Variants in PLCE1 observed in about 807,000 individuals in gnomAD.
The protein encoded by PLCE1 is phospholipase C epsilon 1, also known as 1-phosphatidylinositol 4,5-bisphosphate phosphodiesterase epsilon-1.
A neutral mutation model predicts 242.8 loss-of-function variants in PLCE1; 119 were observed. That is an observed-to-expected ratio of 0.49 (90% CI 0.42 to 0.57). The LOEUF (loss-of-function observed/expected upper bound fraction) is 0.57, where lower values mean the gene tolerates loss of function less well. Among genes scored for constraint, PLCE1 ranks in the 20% least tolerant of loss-of-function variants. The pLI is 0.00. For missense variants in PLCE1, 2,441 were observed against 2,788.8 expected (o/e 0.88, Z 2.81); for synonymous variants, 945 against 1,017.4 (o/e 0.93, Z 1.35).
rs2053825782 is a variant in PLCE1 at position 94,322,006 on chromosome 10, CG to C, written c.6449del (p.Arg2150GlnfsTer30). The C allele has an allele frequency of 2.0e-5, 32 of 1,613,926 alleles. No individual in the cohort carries two copies. The highest frequency in any genetic ancestry group is 2.5e-5 in the Non-Finnish European group (30 of 1,179,978). The part of the protein sequence containing the change: ...QVHDVSPEQP[R>X]TVIKAPRVST... ...GCATGATGTTTCTCCAGAGCAACCT[CG>C]AACAGTCATCAAAGCACCCCGCGTC... On this transcript the variant is annotated frameshift_variant, in exon 30 of 33. Coordinates refer to ENST00000371380, the MANE Select transcript of PLCE1 (RefSeq NM_016341.4). LOFTEE classifies it high-confidence loss of function.
chr10:94,265,456 C>T (rs1163520316), intron 14 of PLCE1, among the ~76,000 whole-genome samples, 191 bp from the exon 15 acceptor site: 3 of 152,140 alleles, frequency 2.0e-5, no homozygotes, highest in African/African-American at 7.2e-5. Flanking sequence ...GTATAATAAA[C>T]TCACATATAA....
rs1307296588 is a variant in PLCE1 at position 94,324,573 on chromosome 10, G to A, written c.6720+6G>A. ...AGCTAAAGGAGCAGGTGCAGGTAAA[G>A]TTTAAAGTTATTTTGCTCTGTTCTT... On this transcript the variant is annotated splice_donor_region_variant and intron_variant, in intron 31 of 32. Coordinates refer to ENST00000371380, the MANE Select transcript of PLCE1 (RefSeq NM_016341.4). The A allele has an allele frequency of 6.2e-7, 1 of 1,607,786 alleles. No individual in the cohort carries two copies. Among genetic ancestry groups the A allele is most frequent in the Non-Finnish European group, 8.5e-7 (1 of 1,174,364 alleles).
chr10:94,240,594 G>A (rs1029511363), intron 7 of PLCE1, among the ~76,000 whole-genome samples: 3 of 152,074 alleles, frequency 2.0e-5, no homozygotes, highest in Admixed American at 6.5e-5. Flanking sequence ...TGTTTGTCAC[G>A]TGGTAATTCA....
chr10:94,244,928 T>G (rs561788947), intron 7 of PLCE1, among the ~76,000 whole-genome samples: 103 of 152,284 alleles, frequency 6.8e-4, no homozygotes, highest in African/African-American at 2.4e-3. Context: ...CTCAAACTTC[T>G]GGGCTCAAGC....
intron 4 of PLCE1, among the ~76,000 whole-genome samples, chr10:94,185,378 C>T (rs1436868677): frequency 1.3e-5 from 2 of 152,182 alleles, no homozygotes; most frequent in Admixed American, 1.3e-4. Context: ...TGCCTGTAAT[C>T]CCAGCTACTT....
chr10:94,027,889 A>G (rs2061483391), intron 1 of PLCE1, among the ~76,000 whole-genome samples: 1 of 152,160 alleles, frequency 6.6e-6, no homozygotes, highest in Admixed American at 6.5e-5. Context: ...CCTAGCAGCC[A>G]TGGGTCTTCA....
intron 2 of PLCE1, among the ~76,000 whole-genome samples, chr10:94,061,851 A>T (rs899316024): frequency 6.6e-6 from 1 of 152,240 alleles, no homozygotes; most frequent in African/African-American, 2.4e-5. Flanking sequence ...GCCTCTTATA[A>T]CACCATTTGG....
chr10:94,156,118 GA>G (rs1290211379), intron 3 of PLCE1, among the ~76,000 whole-genome samples: 2 of 148,658 alleles, frequency 1.3e-5, no homozygotes, highest in Non-Finnish European at 3.0e-5. Flanking sequence ...AATATTAACA[GA>G]AAAAAAAACT....
chr10:94,102,562 A>G (rs773844047), intron 2 of PLCE1, among the ~76,000 whole-genome samples: 1 of 152,226 alleles, frequency 6.6e-6, no homozygotes, highest in African/African-American at 2.4e-5. Context: ...GGCTTTGCCC[A>G]TTGCTAGGCA....
At chr10:94,133,294 G>T (rs753890356) in intron 3 of PLCE1, among the ~76,000 whole-genome samples, 97 of 152,314 alleles carry the variant, frequency 6.4e-4, no homozygotes, top group Non-Finnish European at 1.1e-3. Flanking sequence ...AGCCAATGGA[G>T]TGTGGGGTCC....
chr10:94,103,009 C>G (rs2045594636), intron 2 of PLCE1, among the ~76,000 whole-genome samples: 1 of 152,166 alleles, frequency 6.6e-6, no homozygotes, highest in African/African-American at 2.4e-5. Flanking sequence ...AGAGTTCTTG[C>G]TGGAGATTTT....
chr10:94,254,254 G>A lies in PLCE1; in HGVS notation c.3344G>A (p.Cys1115Tyr). ...CGAAAGGCCAAGATGCACAAAGAGT[G>A]TCGAAGCCGGAGTGGTTCTGATCCT... is the stretch of plus-strand genomic sequence containing the variant. ...ATRKAKMHKE[C>Y]RSRSGSDPQD... Residue 1115 changes from cysteine (C) to tyrosine (Y), a missense_variant, in exon 10 of 33, where the codon TGT becomes TAT. By Grantham distance (194) the Cys-to-Tyr change is radical. Coordinates refer to ENST00000371380, the MANE Select transcript of PLCE1 (RefSeq NM_016341.4). 1 of 1,614,062 alleles carries A rather than the reference G, an allele frequency of 6.2e-7. No individual in the cohort carries two copies. The highest frequency in any genetic ancestry group is 1.1e-5 in the South Asian group (1 of 91,078).
intron 4 of PLCE1, among the ~76,000 whole-genome samples, chr10:94,198,878 C>T (rs1385265122): frequency 1.3e-5 from 2 of 152,048 alleles, no homozygotes; most frequent in African/African-American, 4.8e-5. Context: ...CATGTAAAAC[C>T]TCCTGTCTAC....
chr10:94,080,873 G>A (rs745545574), intron 2 of PLCE1, among the ~76,000 whole-genome samples: 1 of 152,222 alleles, frequency 6.6e-6, no homozygotes, highest in Non-Finnish European at 1.5e-5. Context: ...CAGACTTGCA[G>A]GTGGAAACAT....
intron 1 of PLCE1, among the ~76,000 whole-genome samples, chr10:93,998,986 C>A (rs1046353173): frequency 6.6e-6 from 1 of 152,122 alleles, no homozygotes; most frequent in Non-Finnish European, 1.5e-5. Context: ...AAAATGAGTT[C>A]TTTCCTAGAG....
rs186178264 is a variant in PLCE1 at position 93,997,893 on chromosome 10, T to A, written c.-365+3635T>A. 6.6e-5 allele frequency among the ~76,000 whole-genome samples: 10 copies of A among 152,300 alleles called. No homozygotes were observed. In the East Asian group the frequency reaches 1.7e-3, roughly 26 times the overall value. On this transcript the variant is annotated intron_variant, in intron 1 of 32. Transcript: ENST00000371380. ...AAGAGGTGGGTACTGGTGAAACCAT[T>A]GGGCTCATGTTGAAATCTTTGGCAT...
chr10:94,138,808 T>G (rs2046865872), intron 3 of PLCE1: 2 of 214,936 alleles, frequency 9.3e-6, no homozygotes, highest in Non-Finnish European at 9.2e-6. Flanking sequence ...CCAATATAAC[T>G]AACCAGATCA....
chr10:94,310,611 A>C (rs985699013), intron 27 of PLCE1, among the ~76,000 whole-genome samples: 5 of 152,178 alleles, frequency 3.3e-5, no homozygotes, highest in African/African-American at 1.2e-4. Context: ...TGGTACAAAG[A>C]GCAGGAATCA....
intron 19 of PLCE1, among the ~76,000 whole-genome samples, chr10:94,278,986 A>C (rs916505736): frequency 1.1e-4 from 17 of 152,246 alleles, no homozygotes; most frequent in Admixed American, 2.6e-4. Context: ...TTGTTCAATA[A>C]ATATATATCA....
Sources: allele counts gnomAD v4.1 joint callset (sites outside exome capture counted in the v4.1 genomes callset), GRCh38; gene constraint gnomAD v4.1.1; transcripts MANE v1.5; gene names NCBI Gene and HGNC (gene_info 2026-07-23, HGNC 2026-07-21).